The following SGK1 variants were observed in gnomAD, a reference collection of about 807,000 sequenced individuals.
SGK1 encodes the protein serum/glucocorticoid regulated kinase 1.
Under a neutral mutation model 64.2 loss-of-function variants are expected in SGK1, and 26 were observed. The observed-to-expected ratio is 0.40, with a 90% CI of 0.30 to 0.56. The LOEUF is 0.56. Among genes scored for constraint, SGK1 ranks in the 20% least tolerant of loss-of-function variants. The probability of loss-of-function intolerance (pLI) is 0.38; values close to 1 mark genes in which losing one functional copy is unlikely to be tolerated. For missense variants in SGK1, 519 were observed against 645.6 expected (o/e 0.80, Z 2.12); for synonymous variants, 265 against 239.7 (o/e 1.11, Z -0.98).
chr6:134,251,192 T>C (rs540750018), intron 2 of SGK1, among the ~76,000 whole-genome samples: 5 of 152,176 alleles, frequency 3.3e-5, no homozygotes, highest in Non-Finnish European at 7.3e-5. Context: ...GAAAAATATA[T>C]GTATAATGAT....
chr6:134,235,735 C>T (rs964282371), intron 2 of SGK1, among the ~76,000 whole-genome samples: 1 of 151,784 alleles, frequency 6.6e-6, no homozygotes, highest in African/African-American at 2.4e-5. Flanking sequence ...CCATGCCTGG[C>T]TAATTTTTTT....
intron 2 of SGK1, among the ~76,000 whole-genome samples, chr6:134,228,986 G>C (rs1776234287): frequency 1.3e-5 from 2 of 152,242 alleles, no homozygotes; most frequent in South Asian, 4.1e-4. Flanking sequence ...TGGGACTACT[G>C]GCGCCCGCCA....
At chr6:134,237,010 G>T (rs2114720411) in intron 2 of SGK1, among the ~76,000 whole-genome samples, 1 of 150,992 alleles carries the variant, frequency 6.6e-6, no homozygotes, top group African/African-American at 2.4e-5. Flanking sequence ...TGAACACATT[G>T]TTGGGTGAAT....
At chr6:134,184,617 T>A (rs1426456269) in intron 3 of SGK1, among the ~76,000 whole-genome samples, 1 of 152,152 alleles carries the variant, frequency 6.6e-6, no homozygotes, top group South Asian at 2.1e-4. Flanking sequence ...ATTAGTTTTA[T>A]TATGTGACTT....
At chr6:134,262,519 C>G (rs1436597040) in intron 1 of SGK1, among the ~76,000 whole-genome samples, 2 of 56 alleles carry the variant, frequency 0.036, no homozygotes, top group Non-Finnish European at 0.059. Flanking sequence ...CCTGGACCAG[C>G]CTGCCAACAT....
chr6:134,246,675 C>T (rs899276565), intron 2 of SGK1, among the ~76,000 whole-genome samples: 24 of 151,628 alleles, frequency 1.6e-4, no homozygotes, highest in South Asian at 1.5e-3. Context: ...TCACTGCAAA[C>T]TCCACCTACC....
At chr6:134,276,723 G>A (rs1777022501) in intron 1 of SGK1, among the ~76,000 whole-genome samples, 1 of 152,026 alleles carries the variant, frequency 6.6e-6, no homozygotes, top group Non-Finnish European at 1.5e-5. Flanking sequence ...TTATTCCAGG[G>A]GTCTCCAAAC....
chr6:134,241,440 C>A (rs9483665), intron 2 of SGK1, among the ~76,000 whole-genome samples: 3 of 151,850 alleles, frequency 2.0e-5, no homozygotes, highest in Admixed American at 6.6e-5. Flanking sequence ...CCTGCCACCT[C>A]GGCCTCCCAA....
At chr6:134,175,948 G>T in intron 3 of SGK1, 3 of 1,070,224 alleles carry the variant, frequency 2.8e-6, no homozygotes, top group African/African-American at 1.7e-5. Context: ...GGAGGGGGCG[G>T]AAATAAAAGT....
chr6:134,307,530 C>T (rs529854399), intron 1 of SGK1, among the ~76,000 whole-genome samples: 72 of 152,242 alleles, frequency 4.7e-4, no homozygotes, highest in African/African-American at 1.7e-3. Context: ...AAAATGGCAT[C>T]GCATTTGCAT....
chr6:134,174,396 G>A (rs1192971627), intron 4 of SGK1, 115 bp downstream of exon 4: 5 of 703,074 alleles, frequency 7.1e-6, no homozygotes, highest in Non-Finnish European at 1.2e-5. Context: ...AAGGAGAAAT[G>A]AGATCCCCAC....
intron 2 of SGK1, among the ~76,000 whole-genome samples, chr6:134,259,157 A>G (rs1230718072): frequency 1.3e-5 from 2 of 152,164 alleles, no homozygotes; most frequent in Non-Finnish European, 2.9e-5. Flanking sequence ...AATTCCTTTC[A>G]GCTTTGTTTA....
intron 1 of SGK1, among the ~76,000 whole-genome samples, chr6:134,287,731 AT>A (rs1316872107): frequency 2.0e-5 from 3 of 152,156 alleles, no homozygotes; most frequent in African/African-American, 7.2e-5. Flanking sequence ...CAATTTGTAC[AT>A]TTTAAGATGA....
intron 2 of SGK1, among the ~76,000 whole-genome samples, chr6:134,254,954 C>T (rs1274975932): frequency 2.6e-5 from 4 of 152,066 alleles, no homozygotes; most frequent in Non-Finnish European, 5.9e-5. Context: ...CTGCAACCTC[C>T]GCCTCCCGGG....
At chr6:134,303,626 A>G (rs892434596) in intron 1 of SGK1, among the ~76,000 whole-genome samples, 2 of 151,848 alleles carry the variant, frequency 1.3e-5, no homozygotes, top group Non-Finnish European at 2.9e-5. Context: ...AGTGAAATAG[A>G]AAGTTTTAGC....
intron 3 of SGK1, among the ~76,000 whole-genome samples, chr6:134,187,420 T>TTTCCACCCC (rs571244946): frequency 8.5e-5 from 13 of 152,114 alleles, no homozygotes; most frequent in Non-Finnish European, 1.9e-4. Flanking sequence ...GCCACTCCCA[T>TTTCCACCCC]TTCCACCCCT....
intron 2 of SGK1, among the ~76,000 whole-genome samples, chr6:134,227,707 A>C (rs1282481645): frequency 6.6e-6 from 1 of 152,200 alleles, no homozygotes. Context: ...TTTACAGTTG[A>C]GGAAACTGAA....
At chr6:134,170,782 G>T in intron 13 of SGK1, 44 bp downstream of exon 13, 1 of 1,225,046 alleles carries the variant, frequency 8.2e-7, no homozygotes, top group Non-Finnish European at 1.2e-6. Context: ...TAAAATAAAT[G>T]CCCTTTGGGC....
At chr6:134,201,714 A>G (rs1055697951) in intron 3 of SGK1, among the ~76,000 whole-genome samples, 1 of 152,178 alleles carries the variant, frequency 6.6e-6, no homozygotes, top group African/African-American at 2.4e-5. Flanking sequence ...AAGTTACAGT[A>G]ATAAAACTCG....
Sources: gnomAD v4.1 joint callset for allele counts (sites outside exome capture counted in the v4.1 genomes callset) on GRCh38, gnomAD v4.1.1 for gene constraint, MANE v1.5 for transcripts, NCBI Gene and HGNC (gene_info 2026-07-23, HGNC 2026-07-21) for gene names.